ATP10B: variants seen among roughly 807,000 people sequenced by gnomAD.
The protein encoded by ATP10B is phospholipid-transporting ATPase VB.
ATP10B carries 122 observed loss-of-function variants against 141.2 expected under a neutral mutation model. The observed-to-expected ratio is 0.86, with a 90% CI of 0.75 to 1.00. The LOEUF (loss-of-function observed/expected upper bound fraction) is 1.00, where lower values mean the gene tolerates loss of function less well. Ranked by LOEUF, ATP10B falls within the 50% of genes least tolerant of loss-of-function variation. ATP10B has a pLI of 0.00. For missense variants in ATP10B, 1,876 were observed against 1,825.3 expected, an observed-to-expected ratio of 1.03 and a Z score of -0.51; for synonymous variants, 685 against 692.0, an observed-to-expected ratio of 0.99 and a Z score of 0.16.
chr5:160,725,675 G>T (rs181036732), intron 2 of ATP10B, among the ~76,000 whole-genome samples: 1 of 152,152 alleles, frequency 6.6e-6, no homozygotes, highest in African/African-American at 2.4e-5. Context: ...TCGATCTCCT[G>T]ACCTCGTGAT....
chr5:160,859,910 T>C, the ATP10B span, among the ~76,000 whole-genome samples: 3 of 151,986 alleles, frequency 2.0e-5, no homozygotes, highest in African/African-American at 7.2e-5. Context: ...ACAGTGATAG[T>C]ATCTAAGGAC....
intron 2 of ATP10B, among the ~76,000 whole-genome samples, chr5:160,723,814 T>C (rs1766137988): frequency 6.6e-6 from 1 of 152,156 alleles, no homozygotes; most frequent in Admixed American, 6.5e-5. Context: ...CCTGAGTCTG[T>C]GCTTAAAAAA....
the ATP10B span, among the ~76,000 whole-genome samples, chr5:160,919,119 G>T: frequency 2.7e-5 from 4 of 148,318 alleles, no homozygotes; most frequent in Admixed American, 6.7e-5. Flanking sequence ...AGCTACACGG[G>T]AGGCTGAGGC....
the ATP10B span, among the ~76,000 whole-genome samples, chr5:160,862,828 C>T: frequency 6.6e-6 from 1 of 152,000 alleles, no homozygotes; most frequent in Non-Finnish European, 1.5e-5. Flanking sequence ...TTTTAATACA[C>T]ATATGCCACA....
chr5:160,806,635 G>C (rs1224139127), intron 1 of ATP10B, among the ~76,000 whole-genome samples: 1 of 152,186 alleles, frequency 6.6e-6, no homozygotes, highest in African/African-American at 2.4e-5. Context: ...GATTAACATG[G>C]ACTGAACTCT....
intron 7 of ATP10B, among the ~76,000 whole-genome samples, chr5:160,663,428 G>T (rs1762081148): frequency 6.6e-6 from 1 of 152,044 alleles, no homozygotes; most frequent in Admixed American, 6.5e-5. Flanking sequence ...AGAAAATGTG[G>T]CACATATACA....
chr5:160,587,277 GTTAT>G (rs1326407411), intron 24 of ATP10B, among the ~76,000 whole-genome samples: 1 of 152,136 alleles, frequency 6.6e-6, no homozygotes, highest in African/African-American at 2.4e-5. Flanking sequence ...GGTGTGTGGT[GTTAT>G]TTGAGGTCTC....
At chr5:160,575,318 G>A (rs888574042) in intron 24 of ATP10B, among the ~76,000 whole-genome samples, 1 of 151,862 alleles carries the variant, frequency 6.6e-6, no homozygotes, top group Non-Finnish European at 1.5e-5. Context: ...ATTACATTTA[G>A]TTTTCATGTC....
chr5:160,830,217 C>T (rs980384095), intron 1 of ATP10B, among the ~76,000 whole-genome samples: 1 of 152,012 alleles, frequency 6.6e-6, no homozygotes, highest in African/African-American at 2.4e-5. Flanking sequence ...GCTTTTAATT[C>T]TGTTTATGTG....
the ATP10B span, among the ~76,000 whole-genome samples, chr5:160,927,289 G>A: frequency 6.9e-4 from 105 of 152,274 alleles, no homozygotes; most frequent in South Asian, 7.5e-3. Context: ...TCAGCTTTCT[G>A]AAATTGTATT....
intron 1 of ATP10B, among the ~76,000 whole-genome samples, chr5:160,804,954 C>CA (rs2127937812): frequency 6.6e-6 from 1 of 152,188 alleles, no homozygotes; most frequent in African/African-American, 2.4e-5. Context: ...TTATGTGTAC[C>CA]AAAAAATGGC....
chr5:160,593,815 G>A (rs1756492726), intron 22 of ATP10B, among the ~76,000 whole-genome samples: 1 of 151,876 alleles, frequency 6.6e-6, no homozygotes, highest in Admixed American at 6.6e-5. Context: ...GAAATGAAGT[G>A]AGAAGGGAAG....
chr5:160,613,417 C>T (rs1757829955), intron 17 of ATP10B, among the ~76,000 whole-genome samples: 1 of 152,144 alleles, frequency 6.6e-6, no homozygotes, highest in African/African-American at 2.4e-5. Context: ...TTGTCAGGGC[C>T]TCAAAGGATT....
At chr5:160,810,834 G>A (rs986586161) in intron 1 of ATP10B, among the ~76,000 whole-genome samples, 2 of 152,088 alleles carry the variant, frequency 1.3e-5, no homozygotes, top group Non-Finnish European at 2.9e-5. Context: ...TCTTTTTCAT[G>A]TGATGTTGAT....
At chr5:160,731,527 T>C (rs1227249979) in intron 2 of ATP10B, among the ~76,000 whole-genome samples, 2 of 152,174 alleles carry the variant, frequency 1.3e-5, no homozygotes, top group African/African-American at 4.8e-5. Flanking sequence ...AAGTAGTCAG[T>C]GAGTTGTGTG....
At chr5:160,684,964 T>C in intron 6 of ATP10B, 1 of 703,334 alleles carries the variant, frequency 1.4e-6, no homozygotes, top group Non-Finnish European at 2.6e-6. Context: ...CACCTCAGGC[T>C]GGAAAGCATT....
intron 2 of ATP10B, among the ~76,000 whole-genome samples, chr5:160,775,308 C>A (rs1770213286): frequency 6.6e-6 from 1 of 152,350 alleles, no homozygotes; most frequent in South Asian, 2.1e-4. Flanking sequence ...GAAAATGCAA[C>A]TAAGCAGAGT....
intron 6 of ATP10B, among the ~76,000 whole-genome samples, chr5:160,677,307 T>C (rs950978113): frequency 9.9e-5 from 15 of 151,910 alleles, no homozygotes; most frequent in African/African-American, 3.4e-4. Context: ...GCAGTGGGAG[T>C]AGCATGGGCA....
At chr5:160,783,080 T>C (rs571497227) in intron 2 of ATP10B, among the ~76,000 whole-genome samples, 2 of 152,092 alleles carry the variant, frequency 1.3e-5, no homozygotes, top group African/African-American at 4.8e-5. Flanking sequence ...GTTACATAAG[T>C]TCTTTAGTGG....
Sources: allele counts gnomAD v4.1 joint callset (sites outside exome capture counted in the v4.1 genomes callset), GRCh38; gene constraint gnomAD v4.1.1; transcripts MANE v1.5; gene names NCBI Gene and HGNC (gene_info 2026-07-23, HGNC 2026-07-21).